Variants in SOX6 observed in about 807,000 individuals in gnomAD.
SOX6 encodes transcription factor SOX-6.
Under a neutral mutation model 97.8 loss-of-function variants are expected in SOX6, and 11 were observed. The ratio of observed to expected loss-of-function variants is 0.11; its 90% confidence interval spans 0.07 to 0.19. The LOEUF (loss-of-function observed/expected upper bound fraction) is 0.19. SOX6 is among the 10% of genes least tolerant of loss of function. SOX6 has a pLI of 1.00. For missense variants in SOX6, 810 were observed against 1,039.5 expected, an observed-to-expected ratio of 0.78 and a Z score of 3.04; for synonymous variants, 360 against 371.4, an observed-to-expected ratio of 0.97 and a Z score of 0.35.
At chr11:16,137,457 A>C (rs1849999522) in intron 6 of SOX6, among the ~76,000 whole-genome samples, 1 of 152,088 alleles carries the variant, frequency 6.6e-6, no homozygotes, top group Non-Finnish European at 1.5e-5. Context: ...TAAATAAATA[A>C]ATAGCATGTG....
At chr11:16,164,545 C>T (rs1338444157) in intron 6 of SOX6, among the ~76,000 whole-genome samples, 2 of 152,112 alleles carry the variant, frequency 1.3e-5, no homozygotes, top group African/African-American at 2.4e-5. Context: ...TGGAGAGGGC[C>T]GGGCACAGTG....
intron 9 of SOX6, among the ~76,000 whole-genome samples, chr11:16,086,886 A>C (rs1848589304): frequency 6.6e-6 from 1 of 152,352 alleles, no homozygotes; most frequent in South Asian, 2.1e-4. Flanking sequence ...ACTGACTTTG[A>C]AATTTTTCTC....
upstream of SOX6, among the ~76,000 whole-genome samples, chr11:16,479,239 T>G (rs777757276): frequency 7.2e-5 from 11 of 152,104 alleles, no homozygotes; most frequent in Non-Finnish European, 1.3e-4. Flanking sequence ...AATATAACAA[T>G]GCACAAGGGG....
intron 6 of SOX6, among the ~76,000 whole-genome samples, chr11:16,143,320 C>T (rs1272111244): frequency 6.6e-6 from 1 of 152,240 alleles, no homozygotes; most frequent in East Asian, 1.9e-4. Context: ...TTGTCACCAC[C>T]AGGCCTGCCC....
At chr11:16,494,274 G>A (rs1260166108) in intron 4 of SOX6, among the ~76,000 whole-genome samples, 1 of 152,150 alleles carries the variant, frequency 6.6e-6, no homozygotes, top group Non-Finnish European at 1.5e-5. Flanking sequence ...TACTCAGGAG[G>A]CTGAGGCAGC....
Position 16,420,183 on chromosome 11 carries a change from G to C in SOX6, c.-5+56132C>G, listed in dbSNP as rs1858996675. 2.0e-5 allele frequency among the ~76,000 whole-genome samples: 3 copies of C among 152,102 alleles called. No homozygotes were observed. In the South Asian group the frequency reaches 6.2e-4, roughly 31 times the overall value. Reference sequence around the variant, plus strand: ...AAACAAGACAAAAGAAAAGTATCCAGGGTAAATATAAATTGAGAGAAAGGT... The same window carrying C: ...AAACAAGACAAAAGAAAAGTATCCACGGTAAATATAAATTGAGAGAAAGGT... On this transcript the variant is annotated intron_variant, in intron 1 of 15. Coordinates refer to the SOX6 transcript ENST00000396356.
intron 1 of SOX6, among the ~76,000 whole-genome samples, chr11:16,457,065 G>C (rs1258324698): frequency 1.3e-5 from 2 of 152,056 alleles, no homozygotes; most frequent in African/African-American, 2.4e-5. Context: ...TTCAAGACTT[G>C]TGAAAACTAG....
intron 13 of SOX6, among the ~76,000 whole-genome samples, chr11:15,995,947 A>G (rs1854210058): frequency 6.6e-6 from 1 of 152,204 alleles, no homozygotes; most frequent in South Asian, 2.1e-4. Context: ...CCAGCAGACA[A>G]ACACCAAAAG....
At chr11:16,580,486 G>A (rs117760142) in intron 4 of SOX6, among the ~76,000 whole-genome samples, 2,004 of 151,582 alleles carry the variant, frequency 0.013, 21 homozygotes, top group Non-Finnish European at 0.023. Context: ...CCTCTTTCTC[G>A]GAAAATACTT....
intron 2 of SOX6, among the ~76,000 whole-genome samples, chr11:16,336,183 C>T (rs1187863362): frequency 6.6e-6 from 1 of 152,130 alleles, no homozygotes; most frequent in African/African-American, 2.4e-5. Flanking sequence ...TTCCCACTTA[C>T]AATCATCACA....
chr11:16,049,461 A>G (rs553735805), intron 11 of SOX6, among the ~76,000 whole-genome samples: 1 of 152,268 alleles, frequency 6.6e-6, no homozygotes, highest in Admixed American at 6.5e-5. Context: ...TGTCCCTGAA[A>G]AATTATCTCA....
At chr11:16,097,314 A>G (rs1848823147) in intron 8 of SOX6, among the ~76,000 whole-genome samples, 2 of 151,900 alleles carry the variant, frequency 1.3e-5, no homozygotes, top group South Asian at 4.1e-4. Context: ...AAAACTAACA[A>G]GGAAAAAGCT....
chr11:16,293,921 A>G (rs534526456), intron 3 of SOX6, among the ~76,000 whole-genome samples: 3 of 152,092 alleles, frequency 2.0e-5, no homozygotes, highest in East Asian at 3.9e-4. Flanking sequence ...ATTATTCTCT[A>G]CAGTCAAATG....
intron 12 of SOX6, among the ~76,000 whole-genome samples, chr11:16,016,716 G>A (rs553524139): frequency 6.6e-6 from 1 of 152,036 alleles, no homozygotes; most frequent in African/African-American, 2.4e-5. Flanking sequence ...AAGAATTAAA[G>A]TGGAGATGAG....
At chr11:16,191,843 TTTTTTTTTTCTTTTTTTTC>T (rs1287344939) in intron 4 of SOX6, among the ~76,000 whole-genome samples, 460 of 137,858 alleles carry the variant, frequency 3.3e-3, no homozygotes, top group African/African-American at 0.011. Context: ...TGCAGCAGGG[TTTTTTTTTTCTTTTTTTTC>T]TTTTTTTTTC....
intron 7 of SOX6, among the ~76,000 whole-genome samples, chr11:16,107,416 T>C (rs868693866): frequency 1.7e-4 from 24 of 140,760 alleles, no homozygotes; most frequent in African/African-American, 6.3e-4. Context: ...TATATATATA[T>C]ACATATATAT....
chr11:16,566,498 T>C (rs1191042375), intron 4 of SOX6, among the ~76,000 whole-genome samples: 1 of 152,230 alleles, frequency 6.6e-6, no homozygotes, highest in African/African-American at 2.4e-5. Context: ...TAATTCCTGC[T>C]AAGGGAAAAG....
At chr11:16,379,850 A>G (rs1857757844) in intron 1 of SOX6, among the ~76,000 whole-genome samples, 1 of 152,160 alleles carries the variant, frequency 6.6e-6, no homozygotes. Flanking sequence ...TTACCTATAG[A>G]TGATCAGCTA....
chr11:16,268,935 G>A (rs976087506), intron 3 of SOX6, among the ~76,000 whole-genome samples: 2 of 150,362 alleles, frequency 1.3e-5, no homozygotes, highest in South Asian at 2.1e-4. Flanking sequence ...TTATTTGTAT[G>A]TATTCAAATC....
Sources: gnomAD v4.1 joint callset for allele counts (sites outside exome capture counted in the v4.1 genomes callset) on GRCh38, gnomAD v4.1.1 for gene constraint, MANE v1.5 for transcripts, NCBI Gene and HGNC (gene_info 2026-07-23, HGNC 2026-07-21) for gene names.